ADAMTS6: variants seen among roughly 807,000 people sequenced by gnomAD.
ADAMTS6 encodes the protein ADAM metallopeptidase with thrombospondin type 1 motif 6, also known as A disintegrin and metalloproteinase with thrombospondin motifs 6.
A neutral mutation model predicts 144.3 loss-of-function variants in ADAMTS6; 23 were observed. The ratio of observed to expected loss-of-function variants is 0.16; its 90% CI spans 0.11 to 0.23. The LOEUF is 0.23. ADAMTS6 is among the 10% of genes least tolerant of loss of function. ADAMTS6 has a pLI of 1.00. For synonymous variants in ADAMTS6, 444 were observed against 457.5 expected (o/e 0.97, Z 0.38); for missense variants, 999 against 1,379.6 (o/e 0.72, Z 4.37).
intron 24 of ADAMTS6, among the ~76,000 whole-genome samples, chr5:65,160,291 T>C (rs1188259372): frequency 6.6e-6 from 1 of 151,570 alleles, no homozygotes; most frequent in African/African-American, 2.4e-5. Context: ...AACCAGAAAC[T>C]GCTCCTTCTC....
chr5:65,258,481 A>C (rs1472990185), intron 14 of ADAMTS6, among the ~76,000 whole-genome samples: 1 of 152,156 alleles, frequency 6.6e-6, no homozygotes, highest in African/African-American at 2.4e-5. Context: ...ATTTAAGTAA[A>C]ATGGGGAGCC....
At chr5:65,225,173 T>G in intron 16 of ADAMTS6, 126 bp from the exon 17 acceptor site, 2 of 1,137,950 alleles carry the variant, frequency 1.8e-6, no homozygotes, top group Non-Finnish European at 2.4e-6. Context: ...AGGTAATCCG[T>G]GAATAAAAAC....
chr5:65,173,415 G>T (rs995040190), intron 22 of ADAMTS6, among the ~76,000 whole-genome samples: 1 of 152,182 alleles, frequency 6.6e-6, no homozygotes, highest in African/African-American at 2.4e-5. Flanking sequence ...AAAAGAACTT[G>T]TGTCTGTGAA....
At chr5:65,328,895 T>A (rs904202059) in intron 9 of ADAMTS6, among the ~76,000 whole-genome samples, 1 of 151,464 alleles carries the variant, frequency 6.6e-6, no homozygotes, top group African/African-American at 2.4e-5. Context: ...TTCTTGCAGT[T>A]TTTTTTTTCT....
At chr5:65,455,036 C>A (rs1202376176) in intron 4 of ADAMTS6, among the ~76,000 whole-genome samples, 1 of 152,196 alleles carries the variant, frequency 6.6e-6, no homozygotes, top group African/African-American at 2.4e-5. Context: ...CTGCTCAATC[C>A]TCTGTGATCA....
chr5:65,226,313 A>C (rs1757720869), intron 15 of ADAMTS6, 94 bp from the exon 16 acceptor site: 3 of 1,322,130 alleles, frequency 2.3e-6, no homozygotes, highest in Non-Finnish European at 3.1e-6. Flanking sequence ...ATTCACGTAG[A>C]CATCATTCCC....
intron 23 of ADAMTS6, among the ~76,000 whole-genome samples, chr5:65,172,027 G>A (rs181276978): frequency 2.0e-3 from 249 of 125,128 alleles, no homozygotes; most frequent in African/African-American, 7.4e-3. Flanking sequence ...GATGTTTACA[G>A]GGTCAACACA....
rs140917171 is a variant in ADAMTS6, at chr5:65,341,324, C to T, written c.1074-7239G>A. 3.7e-3 allele frequency among the ~76,000 whole-genome samples: 554 copies of T among 151,522 alleles called. 6 individuals are homozygous for T. The highest frequency in any genetic ancestry group is 4.0e-3 in the Non-Finnish European group (271 of 67,750). On this transcript the variant is annotated intron_variant, in intron 7 of 24. Coordinates refer to ENST00000381055, the MANE Select transcript of ADAMTS6 (RefSeq NM_197941.4). ...CTAGAAAAATAAGAAAAACCCAAAC[C>T]CCAAATTTGTAGAAGAAATAACAAA...
intron 22 of ADAMTS6, among the ~76,000 whole-genome samples, chr5:65,178,011 C>A (rs981117636): frequency 6.6e-6 from 1 of 152,206 alleles, no homozygotes; most frequent in Non-Finnish European, 1.5e-5. Context: ...AAGTTCACTT[C>A]GTGTCTCTCA....
intron 8 of ADAMTS6, among the ~76,000 whole-genome samples, chr5:65,331,015 A>G (rs1746668772): frequency 4.6e-5 from 7 of 152,052 alleles, no homozygotes; most frequent in Admixed American, 4.6e-4. Context: ...CACACAGTGA[A>G]TTTTACTTTT....
intron 7 of ADAMTS6, among the ~76,000 whole-genome samples, chr5:65,367,644 A>G (rs11750444): frequency 0.12 from 18,448 of 152,122 alleles, 1,254 homozygotes; most frequent in African/African-American, 0.18. Context: ...AACAACTCCA[A>G]ACAGCCTTCC....
chr5:65,307,491 C>T (rs921714218), intron 9 of ADAMTS6, among the ~76,000 whole-genome samples: 16 of 152,150 alleles, frequency 1.1e-4, no homozygotes, highest in African/African-American at 3.9e-4. Context: ...TCTTATAAAA[C>T]GTAGGATCCA....
At chr5:65,462,396 T>C (rs1395515999) in intron 3 of ADAMTS6, among the ~76,000 whole-genome samples, 1 of 152,214 alleles carries the variant, frequency 6.6e-6, no homozygotes, top group Non-Finnish European at 1.5e-5. Flanking sequence ...GCCTGGTAAG[T>C]AAACACAATC....
At chr5:65,407,309 G>T (rs1457188749) in intron 7 of ADAMTS6, among the ~76,000 whole-genome samples, 1 of 151,686 alleles carries the variant, frequency 6.6e-6, no homozygotes, top group Non-Finnish European at 1.5e-5. Context: ...CTAAAAGCCA[G>T]AAGAGAGTGG....
rs186107327 is a variant in ADAMTS6, at chr5:65,220,009, A to C, written c.2272+4311T>G. ...AAATGTGAAAAAACTATCCAACCAA[A>C]GGATAGTTGTGTCCTTTAATTTCAT... On this transcript the variant is annotated intron_variant, in intron 18 of 24. Coordinates refer to ENST00000381055, the MANE Select transcript of ADAMTS6 (RefSeq NM_197941.4). Among the ~76,000 whole-genome samples, 11 of 152,316 alleles carry C rather than the reference A, an allele frequency of 7.2e-5. No individual in the cohort carries two copies. The East Asian group carries it at 2.1e-3, about 29-fold the overall frequency.
At chr5:65,247,858 G>A (rs529825339) in intron 14 of ADAMTS6, among the ~76,000 whole-genome samples, 1 of 152,174 alleles carries the variant, frequency 6.6e-6, no homozygotes, top group East Asian at 1.9e-4. Flanking sequence ...CGTCATCCCT[G>A]TTACACTAGA....
intron 10 of ADAMTS6, 145 bp from the exon 11 acceptor site, chr5:65,291,615 C>G: frequency 1.2e-6 from 1 of 807,592 alleles, no homozygotes; most frequent in South Asian, 3.2e-5. Flanking sequence ...CATGGCAGAA[C>G]AGAATAGCTT....
intron 13 of ADAMTS6, among the ~76,000 whole-genome samples, chr5:65,262,404 G>C (rs1264387149): frequency 6.6e-6 from 1 of 152,116 alleles, no homozygotes; most frequent in African/African-American, 2.4e-5. Flanking sequence ...GCTCTCATTG[G>C]TCCTTTTAAT....
chr5:65,448,640 G>A (rs942914961), intron 7 of ADAMTS6, among the ~76,000 whole-genome samples: 2 of 151,964 alleles, frequency 1.3e-5, no homozygotes. Context: ...ATTTTTAGTA[G>A]AGACAGGGTT....
Sources: gnomAD v4.1 joint callset for allele counts (sites outside exome capture counted in the v4.1 genomes callset) on GRCh38, gnomAD v4.1.1 for gene constraint, MANE v1.5 for transcripts, NCBI Gene and HGNC (gene_info 2026-07-23, HGNC 2026-07-21) for gene names.